Variants in RASGEF1B observed in about 807,000 individuals in gnomAD.
RASGEF1B encodes ras-GEF domain-containing family member 1B.
RASGEF1B carries 30 observed loss-of-function variants against 65.7 expected under a neutral mutation model. That is an observed-to-expected ratio of 0.46 (90% CI 0.34 to 0.62). The LOEUF (loss-of-function observed/expected upper bound fraction) is 0.62. Ranked by LOEUF, RASGEF1B falls within the 20% of genes least tolerant of loss-of-function variation. The pLI, the probability that RASGEF1B is intolerant of heterozygous loss-of-function variation, is 0.01. For missense variants in RASGEF1B, 495 were observed against 580.1 expected, an observed-to-expected ratio of 0.85 and a Z score of 1.51; for synonymous variants, 175 against 194.8, an observed-to-expected ratio of 0.90 and a Z score of 0.85.
intron 4 of RASGEF1B, among the ~76,000 whole-genome samples, chr4:81,449,336 G>A (rs542678997): frequency 6.6e-6 from 1 of 152,298 alleles, no homozygotes; most frequent in Non-Finnish European, 1.5e-5. Context: ...TCATGCTTAA[G>A]AGAAACTAGT....
intron 1 of RASGEF1B, chr4:81,471,028 T>A (rs987928232): frequency 1.3e-5 from 2 of 152,054 alleles, no homozygotes; most frequent in Non-Finnish European, 2.9e-5. Context: ...TACCTCTAGC[T>A]CATCTGAGAT....
rs111695158 is a variant in RASGEF1B at position 81,431,712 on chromosome 4, C to G, written c.1397+587G>C. 1.5e-3 allele frequency among the ~76,000 whole-genome samples: 232 copies of G among 152,134 alleles called. 2 individuals are homozygous for G. Among genetic ancestry groups the G allele is most frequent in the African/African-American group, 5.2e-3 (217 of 41,494 alleles). Reference sequence around the variant, plus strand: ...GATAACAAGTTTGATTATATTATACCCTGGGCTGCTTTTGCCTATTAAAGT... The same window carrying G: ...GATAACAAGTTTGATTATATTATACGCTGGGCTGCTTTTGCCTATTAAAGT... On this transcript the variant is annotated intron_variant, in intron 13 of 13. Coordinates refer to ENST00000264400, the MANE Select transcript of RASGEF1B (RefSeq NM_152545.3).
intron 10 of RASGEF1B, among the ~76,000 whole-genome samples, chr4:81,439,116 T>C (rs985730693): frequency 6.6e-6 from 1 of 152,190 alleles, no homozygotes; most frequent in Non-Finnish European, 1.5e-5. Flanking sequence ...ATGGGATTGC[T>C]GGGTCAAATG....
intron 8 of RASGEF1B, 149 bp from the exon 9 acceptor site, chr4:81,442,525 T>C (rs1046696405): frequency 3.2e-6 from 2 of 623,082 alleles, no homozygotes; most frequent in Admixed American, 5.7e-5. Flanking sequence ...TAACTTTTTT[T>C]GTTTGCAAAT....
rs751769007 is a variant in RASGEF1B at position 81,434,625 on chromosome 4, T to G, written c.1200+14A>C. On this transcript the variant is annotated intron_variant, in intron 11 of 13. Coordinates refer to ENST00000264400, the MANE Select transcript of RASGEF1B (RefSeq NM_152545.3). ...TTGTGCTTGGATTTTTGTATCCTAC[T>G]TTATCACACTCACCTCAAAATTGAC... 1 of 1,511,894 alleles carries G rather than the reference T, an allele frequency of 6.6e-7. No homozygotes were observed. The highest frequency in any genetic ancestry group is 1.1e-5 in the South Asian group (1 of 88,892). 93.7% of individuals were successfully genotyped at this position (1,511,894 alleles called of 1,614,324 possible).
chr4:81,435,775 T>TC (rs1721612362), intron 10 of RASGEF1B, among the ~76,000 whole-genome samples: 1 of 47,358 alleles, frequency 2.1e-5, no homozygotes, highest in Non-Finnish European at 3.6e-5. Context: ...GCGCCTGGCC[T>TC]TTTTTTTTTT....
intron 13 of RASGEF1B, 102 bp downstream of exon 13, chr4:81,432,197 T>C: frequency 1.4e-6 from 1 of 699,976 alleles, no homozygotes; most frequent in Non-Finnish European, 2.5e-6. Flanking sequence ...GCAGAGGACT[T>C]GGAACAGATA....
In RASGEF1B at chr4:81,433,906, A is replaced by G; in HGVS notation, c.1258T>C (p.Cys420Arg). Residue 420 changes from cysteine to arginine, a missense_variant, in exon 12 of 14, where the codon TGT becomes CGT. Coordinates refer to ENST00000264400, the MANE Select transcript of RASGEF1B (RefSeq NM_152545.3). The part of the protein sequence containing the change: ...SEFMTWKQVE[C>R]PFERDRKILQ... ...ATCTTCCGGTCCCTCTCAAATGGAC[A>G]CTCCACTTGTTTCCATGTCATAAAT... 1 of 1,613,598 alleles carries G rather than the reference A, an allele frequency of 6.2e-7. No homozygotes were observed. Among genetic ancestry groups the G allele is most frequent in the Non-Finnish European group, 8.5e-7 (1 of 1,179,632 alleles).
chr4:81,451,817 G>A (rs1722271673), intron 4 of RASGEF1B: 1 of 152,212 alleles, frequency 6.6e-6, no homozygotes, highest in South Asian at 2.1e-4. Flanking sequence ...TTCCATGCAT[G>A]TTATCATTCC....
At chr4:81,439,863 T>C (rs561966891) in intron 10 of RASGEF1B, among the ~76,000 whole-genome samples, 15 of 152,314 alleles carry the variant, frequency 9.8e-5, no homozygotes, top group Middle Eastern at 3.4e-3. Context: ...AAATAAAAAA[T>C]TTGAAGTATT....
intron 4 of RASGEF1B, 147 bp downstream of exon 4, chr4:81,456,504 T>C: frequency 1.2e-6 from 1 of 819,256 alleles, no homozygotes; most frequent in African/African-American, 1.7e-5. Context: ...CTTGACATAC[T>C]AAATAGACCA....
rs142042020 is a variant in RASGEF1B, at chr4:81,427,682, G to C, written c.*86C>G. 4.0e-6 allele frequency: 6 copies of C among 1,517,004 alleles called. No homozygotes were observed. The highest frequency in any genetic ancestry group is 1.7e-4 in the Middle Eastern group (1 of 5,854). 94.0% of individuals were successfully genotyped at this position (1,517,004 alleles called of 1,614,324 possible). A position where few individuals can be genotyped will look rare whatever the true frequency, so the allele number is the denominator to read the frequency against. On this transcript the variant is annotated 3_prime_UTR_variant, in exon 14 of 14. Transcript: ENST00000264400. ...GACTGCAGGGTCTTCATGAGTGTTC[G>C]TGGTACGAGATGCCAGAAAACAAAG... is the stretch of plus-strand genomic sequence containing the variant.
At chr4:81,435,304 G>A (rs1276124468) in intron 10 of RASGEF1B, among the ~76,000 whole-genome samples, 5 of 150,518 alleles carry the variant, frequency 3.3e-5, no homozygotes, top group Admixed American at 6.6e-5. Flanking sequence ...CCAGCTACTC[G>A]GGAGGCTGAG....
chr4:81,441,087 G>A, intron 9 of RASGEF1B, among the ~76,000 whole-genome samples, 158 bp from the exon 10 acceptor site: 1 of 152,174 alleles, frequency 6.6e-6, no homozygotes, highest in East Asian at 1.9e-4. Flanking sequence ...AAATGCACAT[G>A]ACACAAGTGT....
chr4:81,432,902 T>A (rs1391542496), intron 12 of RASGEF1B, among the ~76,000 whole-genome samples: 1 of 151,922 alleles, frequency 6.6e-6, no homozygotes, highest in Non-Finnish European at 1.5e-5. Context: ...TAAAAACAAA[T>A]CCCCTCTGGC....
intron 13 of RASGEF1B, 139 bp downstream of exon 13, chr4:81,432,160 A>T (rs1721452875): frequency 4.0e-6 from 2 of 504,570 alleles, no homozygotes; most frequent in Non-Finnish European, 7.1e-6. Context: ...TCTGAGCCAC[A>T]AAGATTTGGT....
intron 6 of RASGEF1B, among the ~76,000 whole-genome samples, chr4:81,446,301 G>A (rs748590593): frequency 1.3e-5 from 2 of 152,162 alleles, no homozygotes; most frequent in South Asian, 2.1e-4. Context: ...GCTTGAACCC[G>A]GGAGGAGGTT....
intron 13 of RASGEF1B, among the ~76,000 whole-genome samples, chr4:81,430,800 T>C (rs1465806934): frequency 6.6e-6 from 1 of 152,260 alleles, no homozygotes; most frequent in African/African-American, 2.4e-5. Flanking sequence ...ATCTAACCAT[T>C]AGTTAATATG....
intron 1 of RASGEF1B, among the ~76,000 whole-genome samples, chr4:81,466,484 G>A (rs766600362): frequency 6.6e-6 from 1 of 152,006 alleles, no homozygotes; most frequent in Non-Finnish European, 1.5e-5. Context: ...AGATTGCCAG[G>A]CGCGGTGGCT....
Sources: allele counts gnomAD v4.1 joint callset (sites outside exome capture counted in the v4.1 genomes callset), GRCh38; gene constraint gnomAD v4.1.1; transcripts MANE v1.5; gene names NCBI Gene and HGNC (gene_info 2026-07-23, HGNC 2026-07-21).